The following PCDHGA9 variants were observed in gnomAD, a reference collection of about 807,000 sequenced individuals.
PCDHGA9 encodes protocadherin gamma subfamily A, 9.
In PCDHGA9, 37 loss-of-function variants were observed where a neutral mutation model predicts 62.5. The ratio of observed to expected loss-of-function variants is 0.59; its 90% CI spans 0.46 to 0.78. The LOEUF (loss-of-function observed/expected upper bound fraction) is 0.78, where lower values mean the gene tolerates loss of function less well. PCDHGA9 is among the 30% of genes least tolerant of loss of function. The probability of loss-of-function intolerance (pLI) is 0.00; values close to 1 mark genes in which losing one functional copy is unlikely to be tolerated. For synonymous variants in PCDHGA9, 459 were observed against 484.6 expected (o/e 0.95, Z 0.69); for missense variants, 1,138 against 1,166.2 (o/e 0.98, Z 0.35).
Position 141,410,164 on chromosome 5 carries a change from C to T in PCDHGA9, c.2424+4788C>T, listed in dbSNP as rs756470415. The T allele has an allele frequency of 4.4e-5, 71 of 1,613,642 alleles. No homozygotes were observed. The highest frequency in any genetic ancestry group is 5.8e-5 in the Non-Finnish European group (69 of 1,179,812). On this transcript the variant is annotated intron_variant, in intron 1 of 3. Transcript: ENST00000573521. ...TGCGTGACGGTGGACAGCCGCCACTCTCTGCCACCGCCACGCTTCATCTGG... is the reference window on the plus strand; with the variant it reads ...TGCGTGACGGTGGACAGCCGCCACTTTCTGCCACCGCCACGCTTCATCTGG...
intron 1 of PCDHGA9, among the ~76,000 whole-genome samples, chr5:141,457,926 GGGCTTTTATT>G (rs1398565105): frequency 6.6e-6 from 1 of 151,120 alleles, no homozygotes; most frequent in Non-Finnish European, 1.5e-5. Context: ...TCTCCCCAAG[GGGCTTTTATT>G]GGCTCTGCAT....
intron 1 of PCDHGA9, among the ~76,000 whole-genome samples, chr5:141,438,614 A>G (rs1208036297): frequency 5.8e-5 from 2 of 34,396 alleles, no homozygotes. Context: ...ATATATATAT[A>G]TATATATATA....
Position 141,490,413 on chromosome 5 carries a change from G to A in PCDHGA9, c.2425-4394G>A, listed in dbSNP as rs2233606. On this transcript the variant is annotated intron_variant, in intron 1 of 3. Transcript: ENST00000573521. The surrounding 1 kb of genome is among the most constrained non-coding windows in gnomAD (Gnocchi z 5.4). ...GTGAAGTGAGCCTTGATATCTCTCC[G>A]GACCTGCCATTTCAGATTAAGCCTT... 2.3e-3 allele frequency: 3,787 copies of A among 1,614,128 alleles called. 38 individuals are homozygous for A. In the African/African-American group the frequency reaches 0.027, roughly 12 times the overall value.
Position 141,490,731 on chromosome 5 carries a change from G to A in PCDHGA9, c.2425-4076G>A, listed in dbSNP as rs139283997. The A allele has an allele frequency of 6.8e-6, 11 of 1,614,080 alleles. No homozygotes were observed. In the African/African-American group the frequency reaches 1.1e-4, roughly 16 times the overall value. Reference sequence around the variant, plus strand: ...TCACCTACTCCATTGTAGGAAATCAGGTTCAGGGAGCCCCAGCCTCCTCCT... The same window carrying A: ...TCACCTACTCCATTGTAGGAAATCAAGTTCAGGGAGCCCCAGCCTCCTCCT... On this transcript the variant is annotated intron_variant, in intron 1 of 3. Transcript: ENST00000573521. The surrounding 1 kb of genome is among the most constrained non-coding windows in gnomAD (Gnocchi z 5.4).
At chr5:141,413,195 G>T (rs771456948) in intron 1 of PCDHGA9, 1 of 1,610,846 alleles carries the variant, frequency 6.2e-7, no homozygotes, top group South Asian at 1.1e-5. Context: ...CAAAGGAATC[G>T]CTCAAAGGAA....
At chr5:141,500,411 G>A (rs376320602) in intron 2 of PCDHGA9, among the ~76,000 whole-genome samples, 4 of 151,592 alleles carry the variant, frequency 2.6e-5, no homozygotes, top group East Asian at 2.0e-4. Context: ...GGGTTTCACC[G>A]TGTTAGCCAG....
intron 1 of PCDHGA9, chr5:141,408,641 T>G: frequency 6.2e-7 from 1 of 1,614,034 alleles, no homozygotes; most frequent in Non-Finnish European, 8.5e-7. Context: ...CGAATCTGCA[T>G]CCGCTGGTAC....
intron 3 of PCDHGA9, among the ~76,000 whole-genome samples, chr5:141,506,300 T>G (rs2099852124): frequency 6.6e-6 from 1 of 151,976 alleles, no homozygotes; most frequent in East Asian, 1.9e-4. Flanking sequence ...AATACAAAAA[T>G]TAGCTGGGCA....
intron 1 of PCDHGA9, among the ~76,000 whole-genome samples, chr5:141,436,491 T>G (rs546883133): frequency 6.6e-6 from 1 of 152,182 alleles, no homozygotes; most frequent in Non-Finnish European, 1.5e-5. Flanking sequence ...GATAGCAGCT[T>G]TGCAATTAGG....
At chr5:141,409,447 A>G (rs764648085) in intron 1 of PCDHGA9, 3 of 1,614,008 alleles carry the variant, frequency 1.9e-6, no homozygotes, top group Admixed American at 1.7e-5. Flanking sequence ...GAGAGCAGAC[A>G]CCAGAATACA....
At position 141,422,330 on chromosome 5, in the gene PCDHGA9, C is replaced by T. The variant is rs200342957; in HGVS notation, c.2424+16954C>T. 1,454 of 1,548,164 alleles carry T rather than the reference C, an allele frequency of 9.4e-4. 3 individuals carry two copies. The highest frequency in any genetic ancestry group is 7.9e-4 in the Non-Finnish European group (910 of 1,153,526). On this transcript the variant is annotated intron_variant, in intron 1 of 3. Transcript: ENST00000573521. The stretch of plus-strand genomic sequence containing the variant: ...AACTCTCCTCCAGGTACAGTGATTG[C>T]TCTTCTAAATGTGCAAGATCAAGAT...
intron 1 of PCDHGA9, among the ~76,000 whole-genome samples, chr5:141,458,664 G>A (rs544369246): frequency 6.6e-6 from 1 of 152,196 alleles, no homozygotes; most frequent in African/African-American, 2.4e-5. Context: ...CCACCTCTCG[G>A]GTTCAAGCAA....
At position 141,491,196 on chromosome 5, in the gene PCDHGA9, T is replaced by C. The variant is rs899789155; in HGVS notation, c.2425-3611T>C. ...TGGTGGTCCTGGTGAGGGACAATGGTGACCCTTCACTCTCCTCCACAGCCA... is the reference window on the plus strand; with the variant it reads ...TGGTGGTCCTGGTGAGGGACAATGGCGACCCTTCACTCTCCTCCACAGCCA... On this transcript the variant is annotated intron_variant, in intron 1 of 3. Transcript: ENST00000573521. The surrounding 1 kb of genome is among the most constrained non-coding windows in gnomAD (Gnocchi z 6.9). The C allele has an allele frequency of 6.8e-6, 11 of 1,614,186 alleles. No homozygotes were observed. The highest frequency in any genetic ancestry group is 9.3e-6 in the Non-Finnish European group (11 of 1,180,030).
chr5:141,415,443 C>T, intron 1 of PCDHGA9: 1 of 1,614,196 alleles, frequency 6.2e-7, no homozygotes, highest in Non-Finnish European at 8.5e-7. Context: ...TCCTGCAGAC[C>T]TATTCCCACG....
At chr5:141,478,500 T>G in intron 1 of PCDHGA9, 1 of 1,612,740 alleles carries the variant, frequency 6.2e-7, no homozygotes, top group Non-Finnish European at 8.5e-7. Flanking sequence ...TGTGATCCGG[T>G]GTTCTATAGG....
intron 1 of PCDHGA9, among the ~76,000 whole-genome samples, chr5:141,469,004 C>T (rs570896326): frequency 3.3e-5 from 5 of 151,802 alleles, no homozygotes; most frequent in Admixed American, 2.0e-4. Flanking sequence ...TTGCTGGGTG[C>T]GGTGGGTCAC....
At position 141,486,364 on chromosome 5, in the gene PCDHGA9, C is replaced by T; in HGVS notation, c.2425-8443C>T. 1 of 1,614,068 alleles carries T rather than the reference C, an allele frequency of 6.2e-7. No homozygotes were observed. The highest frequency in any genetic ancestry group is 1.1e-5 in the South Asian group (1 of 91,074). On this transcript the variant is annotated intron_variant, in intron 1 of 3. Transcript: ENST00000573521. The surrounding 1 kb of genome is among the most constrained non-coding windows in gnomAD (Gnocchi z 5.0). ...TTCCTGACCACTTGCCATTTGCCCT[C>T]AAGTCTGCCTTCAGGAACCAGTTCT...
At chr5:141,421,964 C>A (rs772274014) in intron 1 of PCDHGA9, 3 of 1,611,350 alleles carry the variant, frequency 1.9e-6, no homozygotes, top group Non-Finnish European at 2.5e-6. Flanking sequence ...TTTACACAGT[C>A]CGTATATCGC....
intron 1 of PCDHGA9, among the ~76,000 whole-genome samples, chr5:141,407,684 G>C (rs2094967978): frequency 6.6e-6 from 1 of 152,094 alleles, no homozygotes; most frequent in South Asian, 2.1e-4. Flanking sequence ...GATTGGCTTT[G>C]TGGTGATCAT....
Sources: gnomAD v4.1 joint callset for allele counts (sites outside exome capture counted in the v4.1 genomes callset) on GRCh38, gnomAD v4.1.1 for gene constraint, Gnocchi (gnomAD v3.1) non-coding constraint, MANE v1.5 for transcripts, NCBI Gene and HGNC (gene_info 2026-07-23, HGNC 2026-07-21) for gene names.